SLC24A2: variants seen among roughly 807,000 people sequenced by gnomAD.
SLC24A2 encodes the protein solute carrier family 24 member 2.
A neutral mutation model predicts 62.0 loss-of-function variants in SLC24A2; 36 were observed. That is an observed-to-expected ratio of 0.58 (90% confidence interval 0.44 to 0.77). SLC24A2 has a LOEUF of 0.77. Ranked by LOEUF, SLC24A2 falls within the 30% of genes least tolerant of loss-of-function variation. SLC24A2 has a pLI of 0.00. For synonymous variants in SLC24A2, 358 were observed against 294.0 expected (o/e 1.22, Z -2.23); for missense variants, 846 against 817.9 (o/e 1.03, Z -0.42).
chr9:19,646,207 A>G (rs1266152120), intron 2 of SLC24A2, among the ~76,000 whole-genome samples: 1 of 152,224 alleles, frequency 6.6e-6, no homozygotes, highest in African/African-American at 2.4e-5. Context: ...TCTGGTGCCT[A>G]TAAATCTTCT....
At chr9:19,735,403 T>C (rs1303583081) in intron 2 of SLC24A2, among the ~76,000 whole-genome samples, 1 of 152,044 alleles carries the variant, frequency 6.6e-6, no homozygotes, top group Non-Finnish European at 1.5e-5. Flanking sequence ...TTTCACACTG[T>C]TGGTGGGACT....
In SLC24A2 at chr9:19,573,550, A is replaced by AGG. The variant is rs1451710674; in HGVS notation, c.1229-82_1229-81insCC. Reference sequence around the variant, plus strand: ...CACACAGAGAGAGAGAGAGAGAGAGAGAGAAAGCAAATGGAATCAATGGGG... The same window carrying AGG: ...CACACAGAGAGAGAGAGAGAGAGAGAGGGAGAAAGCAAATGGAATCAATGGGG... On this transcript the variant is annotated intron_variant, in intron 6 of 10. Transcript: ENST00000341998. 1.0e-5 allele frequency: 9 copies of AGG among 868,570 alleles called. No individual in the cohort carries two copies. The African/African-American group carries it at 1.5e-4, about 15-fold the overall frequency. 53.8% of individuals were successfully genotyped at this position (868,570 alleles called of 1,614,324 possible).
the SLC24A2 span, among the ~76,000 whole-genome samples, chr9:19,983,854 ATAAAT>A: frequency 1.3e-5 from 2 of 152,224 alleles, no homozygotes; most frequent in Non-Finnish European, 2.9e-5. Context: ...CATTGCTGAA[ATAAAT>A]TAAAGAACAA....
At chr9:19,891,731 G>C in the SLC24A2 span, among the ~76,000 whole-genome samples, 1 of 152,082 alleles carries the variant, frequency 6.6e-6, no homozygotes, top group Non-Finnish European at 1.5e-5. Flanking sequence ...GGGTGACAGA[G>C]CGAGATCCTG....
the SLC24A2 span, among the ~76,000 whole-genome samples, chr9:20,031,805 C>T: frequency 2.5e-4 from 38 of 152,272 alleles, no homozygotes; most frequent in African/African-American, 8.9e-4. Flanking sequence ...GACTCAGCTA[C>T]AAGTCACCTC....
chr9:20,246,073 C>G, the SLC24A2 span, among the ~76,000 whole-genome samples: 991 of 152,246 alleles, frequency 6.5e-3, 10 homozygotes, highest in African/African-American at 0.021. Context: ...GAAATAAGAT[C>G]ATGTGTACAT....
Position 19,513,328 on chromosome 9 carries a change from G to A in SLC24A2, c.*2825C>T, listed in dbSNP as rs746098188. The A allele has an allele frequency of 5.3e-5, 8 of 151,888 alleles. No homozygotes were observed. The highest frequency in any genetic ancestry group is 1.0e-4 in the Non-Finnish European group (7 of 68,020). 9.4% of individuals were successfully genotyped at this position (151,888 alleles called of 1,614,324 possible). A position where few individuals can be genotyped will look rare whatever the true frequency, so the allele number is the denominator to read the frequency against. ...GTTTAAAGACCCATTGTTGAACTCT[G>A]TACACATCTCTCTGAATTTACCCTG... On this transcript the variant is annotated 3_prime_UTR_variant, in exon 11 of 11. Coordinates refer to ENST00000341998, the MANE Select transcript of SLC24A2 (RefSeq NM_020344.4).
the SLC24A2 span, among the ~76,000 whole-genome samples, chr9:19,907,367 G>A: frequency 2.0e-5 from 3 of 152,234 alleles, no homozygotes; most frequent in Admixed American, 1.3e-4. Context: ...CACAGCCAAT[G>A]TCATACTGAA....
chr9:20,033,091 G>C, the SLC24A2 span, among the ~76,000 whole-genome samples: 1 of 152,130 alleles, frequency 6.6e-6, no homozygotes, highest in Non-Finnish European at 1.5e-5. Context: ...AGATTTTCAG[G>C]GTTTAGAAAT....
the SLC24A2 span, among the ~76,000 whole-genome samples, chr9:20,058,887 G>C: frequency 6.6e-6 from 1 of 152,168 alleles, no homozygotes; most frequent in Non-Finnish European, 1.5e-5. Flanking sequence ...CCATCATTCA[G>C]TTTTGGAATG....
the SLC24A2 span, among the ~76,000 whole-genome samples, chr9:20,123,867 G>T: frequency 1.3e-5 from 2 of 152,098 alleles, no homozygotes; most frequent in African/African-American, 4.8e-5. Flanking sequence ...TGAGCTTGAG[G>T]CTAGAACAAA....
chr9:20,006,036 T>C, the SLC24A2 span, among the ~76,000 whole-genome samples: 1 of 151,778 alleles, frequency 6.6e-6, no homozygotes, highest in African/African-American at 2.4e-5. Context: ...CACACAAACA[T>C]AGTCACATAT....
intron 1 of SLC24A2, 140 bp downstream of exon 1, chr9:19,788,745 A>C: frequency 1.0e-6 from 1 of 985,400 alleles, no homozygotes; most frequent in Non-Finnish European, 1.2e-6. Flanking sequence ...GCTAACTCCT[A>C]GCGGGGCCTG....
At chr9:20,199,166 AG>A in the SLC24A2 span, among the ~76,000 whole-genome samples, 2 of 152,286 alleles carry the variant, frequency 1.3e-5, no homozygotes, top group East Asian at 3.9e-4. Flanking sequence ...CTCTCCAGTT[AG>A]GGATGATTTC....
At position 19,531,590 on chromosome 9, in the gene SLC24A2, A is replaced by T. The variant is rs117086671; in HGVS notation, c.1480-3452T>A. On this transcript the variant is annotated intron_variant, in intron 8 of 10. Coordinates refer to ENST00000341998, the MANE Select transcript of SLC24A2 (RefSeq NM_020344.4). ...GGCTTGGAAAAAGATGCTGGACATT[A>T]GCTGGTTGTACAAATTAGCTATATC... 8.0e-3 allele frequency among the ~76,000 whole-genome samples: 1,213 copies of T among 152,244 alleles called. 8 individuals carry two copies. The highest frequency in any genetic ancestry group is 0.012 in the Non-Finnish European group (818 of 68,012).
intron 8 of SLC24A2, among the ~76,000 whole-genome samples, chr9:19,537,075 T>A (rs1248202868): frequency 6.6e-6 from 1 of 151,456 alleles, no homozygotes; most frequent in African/African-American, 2.4e-5. Context: ...TAAATTTGTT[T>A]GAGTTCACTG....
rs1353463784 is a variant in SLC24A2, at chr9:19,625,079, C to G, written c.931-2780G>C. Among the ~76,000 whole-genome samples the G allele has an allele frequency of 2.0e-5, 3 of 152,158 alleles. No homozygotes were observed. In the East Asian group the frequency reaches 5.8e-4, roughly 29 times the overall value. On this transcript the variant is annotated intron_variant, in intron 2 of 10. Transcript: ENST00000341998. ...ATTTTCAAGGCCATTAAATACATGGCAAGTTTATTCTAACCCATGGGATAT... is the reference window on the plus strand; with the variant it reads ...ATTTTCAAGGCCATTAAATACATGGGAAGTTTATTCTAACCCATGGGATAT...
rs577999164 is a variant in SLC24A2, at chr9:19,512,776, A to C, written c.*3377T>G. 5 of 152,178 alleles carry C rather than the reference A, an allele frequency of 3.3e-5. No individual in the cohort carries two copies. The highest frequency in any genetic ancestry group is 3.3e-4 in the Admixed American group (5 of 15,268). 9.4% of individuals were successfully genotyped at this position (152,178 alleles called of 1,614,324 possible). ...TACAATGTTGGCTCTTGAATTGTTG[A>C]TATCTTTTATACCCTGCTCCAGAGA... On this transcript the variant is annotated 3_prime_UTR_variant, in exon 11 of 11. Transcript: ENST00000341998.
chr9:20,218,723 T>C, the SLC24A2 span, among the ~76,000 whole-genome samples: 1 of 152,200 alleles, frequency 6.6e-6, no homozygotes, highest in Non-Finnish European at 1.5e-5. Flanking sequence ...TAATGCCTAG[T>C]TATGTTAGTT....
Sources: gnomAD v4.1 joint callset for allele counts (sites outside exome capture counted in the v4.1 genomes callset) on GRCh38, gnomAD v4.1.1 for gene constraint, MANE v1.5 for transcripts, NCBI Gene and HGNC (gene_info 2026-07-23, HGNC 2026-07-21) for gene names.